Variants in PHKA2 observed in about 807,000 individuals in gnomAD.
The protein encoded by PHKA2 is phosphorylase b kinase regulatory subunit alpha, liver isoform.
In PHKA2, 31 loss-of-function variants were observed where a neutral mutation model predicts 102.0. The ratio of observed to expected loss-of-function variants is 0.30; its 90% confidence interval spans 0.23 to 0.41. PHKA2 has a LOEUF of 0.41. PHKA2 is among the 10% of genes least tolerant of loss of function. The probability of loss-of-function intolerance (pLI) is 1.00; values close to 1 mark genes in which losing one functional copy is unlikely to be tolerated. For synonymous variants in PHKA2, 455 were observed against 416.2 expected (o/e 1.09, Z -1.13); for missense variants, 858 against 1,023.1 (o/e 0.84, Z 2.20).
intron 27 of PHKA2, 67 bp downstream of exon 27, chrX:18,901,418 G>A: frequency 2.8e-6 from 2 of 710,264 alleles, no homozygotes; most frequent in Non-Finnish European, 4.5e-6. Flanking sequence ...GGTTTCTGTC[G>A]CTTTCTGGGG....
intron 1 of PHKA2, among the ~76,000 whole-genome samples, chrX:18,974,424 C>A (rs1442697069): frequency 8.9e-6 from 1 of 111,983 alleles, no homozygotes; most frequent in Non-Finnish European, 1.9e-5. Context: ...AACTCTTAGT[C>A]CTGATGCTAC....
At chrX:18,938,603 A>G (rs2048433894) in intron 10 of PHKA2, 24 bp downstream of exon 10, 2 of 1,185,598 alleles carry the variant, frequency 1.7e-6, no homozygotes, top group African/African-American at 1.8e-5. Context: ...ATAATTATCA[A>G]CGTAACACCC....
chrX:18,974,922 C>G (rs1243911906), intron 1 of PHKA2, among the ~76,000 whole-genome samples: 3 of 111,051 alleles, frequency 2.7e-5, no homozygotes, highest in Non-Finnish European at 3.8e-5. Context: ...AGTACCTCCC[C>G]CTCATAATCT....
At chrX:18,979,724 A>G (rs751780920) in intron 1 of PHKA2, among the ~76,000 whole-genome samples, 106 of 111,875 alleles carry the variant, frequency 9.5e-4, no homozygotes, top group Middle Eastern at 4.7e-3. Context: ...ACTAATGGGA[A>G]AAGTTCTTCT....
At chrX:18,929,557 A>C (rs1213662277) in intron 12 of PHKA2, among the ~76,000 whole-genome samples, 3 of 112,284 alleles carry the variant, frequency 2.7e-5, no homozygotes, top group Non-Finnish European at 5.6e-5. Context: ...ATGAGCAAAA[A>C]GAATGATAAC....
At chrX:18,906,880 TG>T in intron 23 of PHKA2, 66 bp from the exon 24 acceptor site, 1 of 1,037,844 alleles carries the variant, frequency 9.6e-7, no homozygotes, top group Non-Finnish European at 1.4e-6. Context: ...TCGCCCTCCA[TG>T]GAACACCCTT....
In PHKA2 at chrX:18,938,747, G is replaced by A. The variant is rs1223006846; in HGVS notation, c.921C>T (p.Asp307=). ...LRDGYKTPRE[D]PNRLHYDPAE... is the part of the protein sequence containing the mutation. ...CAGGGTCATAATGCAGTCGATTAGG[G>A]TCCTAGAATCAAATAAGTCAAACTT... The change falls in exon 10 of 33, where the codon GAC becomes GAT. Residue 307 remains aspartate (D), a splice_region_variant and synonymous_variant. Transcript: ENST00000379942. 2 of 1,204,264 alleles carry A rather than the reference G, an allele frequency of 1.7e-6. No individual in the cohort carries two copies. Among genetic ancestry groups the A allele is most frequent in the East Asian group, 3.0e-5 (1 of 33,814 alleles).
intron 30 of PHKA2, chrX:18,895,987 C>T (rs1166854901): frequency 8.9e-6 from 1 of 111,750 alleles, no homozygotes; most frequent in Non-Finnish European, 1.9e-5. Flanking sequence ...CCTGCTCCGA[C>T]CTCCTCACAT....
intron 27 of PHKA2, among the ~76,000 whole-genome samples, 179 bp downstream of exon 27, chrX:18,901,306 T>C (rs1449093014): frequency 9.0e-6 from 1 of 110,829 alleles, no homozygotes; most frequent in Non-Finnish European, 1.9e-5. Context: ...AGGGTGCGCA[T>C]GACCGGCTCT....
At chrX:18,922,204 C>G (rs948191823) in intron 17 of PHKA2, among the ~76,000 whole-genome samples, 87 of 111,252 alleles carry the variant, frequency 7.8e-4, no homozygotes, top group African/African-American at 2.8e-3. Flanking sequence ...CGAGATTGTG[C>G]CACTGCACTC....
chrX:18,925,735 T>C lies in PHKA2; in HGVS notation c.1502A>G (p.His501Arg). 8.3e-7 allele frequency: 1 copy of C among 1,199,332 alleles called. No homozygotes were observed. Among genetic ancestry groups the C allele is most frequent in the Non-Finnish European group, 1.1e-6 (1 of 884,185 alleles). Residue 501 changes from histidine to arginine, a missense_variant, in exon 15 of 33, where the codon CAT becomes CGT. Transcript: ENST00000379942. ...TTTAGAGGTTCCAAGGACACCAATA[T>C]GTCGATACGGTCGCCCACTCAAATT... ...NMNLSGRPYR[H>R]IGVLGTSKLY... is the part of the protein sequence containing the mutation.
rs760794657 is a variant in PHKA2 at position 18,924,095 on chromosome X, G to T, written c.1754C>A (p.Thr585Lys). 1 of 1,205,953 alleles carries T rather than the reference G, an allele frequency of 8.3e-7. No homozygotes were observed. The highest frequency in any genetic ancestry group is 1.8e-5 in the South Asian group (1 of 56,868). ...GSDIHSAVLSTIRKLEDGYFG... is the reference protein window; with the variant it reads ...GSDIHSAVLSKIRKLEDGYFG... Reference sequence around the variant, plus strand: ...ATATCCATCCTCTAGTTTTCTAATTGTGGAGAGCACAGCAGAATGAATGTC... The same window carrying T: ...ATATCCATCCTCTAGTTTTCTAATTTTGGAGAGCACAGCAGAATGAATGTC... Residue 585 changes from threonine to lysine, a missense_variant, in exon 17 of 33, where the codon ACA becomes AAA. Around this residue, in one of 2 missense-constraint regions of PHKA2, gnomAD observed 671 missense variants for 745.2 expected, o/e 0.90. Transcript: ENST00000379942.
chrX:18,938,885 G>A, intron 9 of PHKA2, 136 bp from the exon 10 acceptor site: 1 of 554,569 alleles, frequency 1.8e-6, no homozygotes, highest in South Asian at 2.8e-5. Context: ...TTACTATAAT[G>A]AGATGCTGTT....
At chrX:18,944,484 A>C (rs2048546044) in intron 6 of PHKA2, among the ~76,000 whole-genome samples, 1 of 111,871 alleles carries the variant, frequency 8.9e-6, no homozygotes, top group South Asian at 3.7e-4. Context: ...GAGGGAGGGA[A>C]GGAGGCACAC....
intron 12 of PHKA2, among the ~76,000 whole-genome samples, chrX:18,929,710 A>G (rs902282811): frequency 8.9e-6 from 1 of 111,831 alleles, no homozygotes; most frequent in African/African-American, 3.3e-5. Context: ...CCTCAGCAGC[A>G]GCCTCAGAAG....
chrX:18,930,115 C>A (rs2048287712), intron 12 of PHKA2, among the ~76,000 whole-genome samples: 1 of 112,450 alleles, frequency 8.9e-6, no homozygotes, highest in African/African-American at 3.2e-5. Context: ...TCCCCTAGAT[C>A]TTGGGGTATT....
intron 29 of PHKA2, among the ~76,000 whole-genome samples, chrX:18,898,779 C>G (rs1258135989): frequency 8.9e-6 from 1 of 112,285 alleles, no homozygotes; most frequent in Non-Finnish European, 1.9e-5. Context: ...TCAATCCGAG[C>G]CCTGCACGAG....
chrX:18,974,682 G>A (rs1177433695), intron 1 of PHKA2, among the ~76,000 whole-genome samples: 6 of 111,588 alleles, frequency 5.4e-5, no homozygotes, highest in Non-Finnish European at 9.4e-5. Flanking sequence ...CTTGCTGTGA[G>A]CTCACATGGT....
chrX:18,910,561 C>T (rs1649508760), intron 20 of PHKA2, among the ~76,000 whole-genome samples: 1 of 112,016 alleles, frequency 8.9e-6, no homozygotes, highest in African/African-American at 3.2e-5. Context: ...AACAGTTAGG[C>T]GGGGTTAGGT....
Sources: allele counts gnomAD v4.1 joint callset (sites outside exome capture counted in the v4.1 genomes callset), GRCh38; gene constraint gnomAD v4.1.1; regional missense constraint gnomAD v4.1.1; transcripts MANE v1.5; gene names NCBI Gene and HGNC (gene_info 2026-07-23, HGNC 2026-07-21).